The following UBR3 variants were observed in gnomAD, a reference collection of about 807,000 sequenced individuals.
UBR3 encodes the protein ubiquitin protein ligase E3 component n-recognin 3.
Under a neutral mutation model 243.2 loss-of-function variants are expected in UBR3, and 85 were observed. The observed-to-expected ratio is 0.35, with a 90% CI of 0.29 to 0.42. UBR3 has a LOEUF of 0.42. UBR3 is among the 10% of genes least tolerant of loss of function. The pLI, the probability that UBR3 is intolerant of heterozygous loss-of-function variation, is 1.00. For missense variants in UBR3, 1,686 were observed against 2,300.8 expected (o/e 0.73, Z 5.47); for synonymous variants, 748 against 799.8 (o/e 0.94, Z 1.09).
At chr2:169,959,199 C>T (rs1037588605) in intron 24 of UBR3, among the ~76,000 whole-genome samples, 1 of 152,100 alleles carries the variant, frequency 6.6e-6, no homozygotes, top group Non-Finnish European at 1.5e-5. Context: ...CAGGCATGTA[C>T]ATTTTCATGC....
intron 8 of UBR3, among the ~76,000 whole-genome samples, chr2:169,899,973 T>G (rs1163872720): frequency 6.6e-6 from 1 of 152,188 alleles, no homozygotes; most frequent in Non-Finnish European, 1.5e-5. Flanking sequence ...GCATGTGTCT[T>G]TATAGCAGCA....
At chr2:169,904,104 A>G (rs575608084) in intron 8 of UBR3, among the ~76,000 whole-genome samples, 1 of 152,038 alleles carries the variant, frequency 6.6e-6, no homozygotes, top group Admixed American at 6.6e-5. Flanking sequence ...GGCTTTTATG[A>G]TTTTTCTGTC....
Position 170,007,041 on chromosome 2 carries a change from C to G in UBR3, c.4081C>G (p.Pro1361Ala). 1 of 1,613,452 alleles carries G rather than the reference C, an allele frequency of 6.2e-7. No individual in the cohort carries two copies. The change falls in exon 28 of 39, where the codon CCA becomes GCA. Residue 1361 changes from proline to alanine, a missense_variant. Physicochemically the swap from Pro to Ala is conservative, Grantham distance 27. Coordinates refer to ENST00000272793, the MANE Select transcript of UBR3 (RefSeq NM_172070.4). ...FSVDKGEFTCPLCRQFANSVL... is the reference protein window; with the variant it reads ...FSVDKGEFTCALCRQFANSVL... ...GGTGGACAAAGGAGAATTCACGTGT[C>G]CACTCTGTAGGCAGTTTGCTAACAG...
In UBR3 at chr2:170,014,199, G is replaced by T. The variant is rs545126540; in HGVS notation, c.4368-1082G>T. On this transcript the variant is annotated intron_variant, in intron 29 of 38. Transcript: ENST00000272793. ...GAATATTAATATTCTTTAACAATTT[G>T]CATTTATAAGTAAATACATGGAAAT... The T allele has an allele frequency of 1.2e-3, 185 of 156,226 alleles. No homozygotes were observed. The Middle Eastern group carries it at 0.024, about 20-fold the overall frequency. The allele number at this position is 156,226 out of a possible 1,614,324, so 9.7% of individuals were successfully genotyped here.
intron 36 of UBR3, among the ~76,000 whole-genome samples, chr2:170,075,776 A>T (rs2091793598): frequency 6.6e-6 from 1 of 152,162 alleles, no homozygotes; most frequent in East Asian, 1.9e-4. Flanking sequence ...GGAGCTGTAT[A>T]GTCCAACAGT....
At chr2:170,048,531 C>G (rs1415852793) in intron 32 of UBR3, among the ~76,000 whole-genome samples, 1 of 152,178 alleles carries the variant, frequency 6.6e-6, no homozygotes, top group African/African-American at 2.4e-5. Flanking sequence ...AGCATAAATT[C>G]CTGACCTTCC....
chr2:169,848,648 T>TTA (rs1441043458), intron 1 of UBR3, among the ~76,000 whole-genome samples: 2 of 152,160 alleles, frequency 1.3e-5, no homozygotes, highest in Admixed American at 1.3e-4. Flanking sequence ...CTCACACCTG[T>TTA]TATATATATG....
chr2:170,070,821 A>G (rs766262483), intron 35 of UBR3, among the ~76,000 whole-genome samples: 5 of 152,192 alleles, frequency 3.3e-5, no homozygotes, highest in Non-Finnish European at 5.9e-5. Flanking sequence ...ATATATTAAA[A>G]GAGTAACATT....
chr2:169,914,763 A>G (rs961858805), intron 11 of UBR3, among the ~76,000 whole-genome samples: 4 of 151,896 alleles, frequency 2.6e-5, no homozygotes, highest in Non-Finnish European at 5.9e-5. Context: ...GCTCACCCCC[A>G]CTTTATCTGA....
intron 5 of UBR3, among the ~76,000 whole-genome samples, chr2:169,884,388 G>C (rs147127312): frequency 6.6e-6 from 1 of 151,944 alleles, no homozygotes. Context: ...TCCTGACCTC[G>C]TAATCTGCCC....
chr2:169,898,724 C>T (rs1329364563), intron 8 of UBR3, among the ~76,000 whole-genome samples: 14 of 118,908 alleles, frequency 1.2e-4, no homozygotes, highest in African/African-American at 4.4e-4. Context: ...TTTTTTGAGA[C>T]GGAGTCTCGC....
At chr2:170,014,350 TTTTC>T in intron 29 of UBR3, 2 of 144,812 alleles carry the variant, frequency 1.4e-5, no homozygotes, top group South Asian at 4.8e-4. Context: ...AACTGTTTTT[TTTTC>T]TTTTTTTTTT....
chr2:170,079,760 G>T, intron 36 of UBR3, 54 bp from the exon 37 acceptor site: 1 of 1,450,746 alleles, frequency 6.9e-7, no homozygotes, highest in Non-Finnish European at 9.3e-7. Context: ...AAAATATATT[G>T]TGTTAGTGAC....
At chr2:169,890,545 A>ATC (rs1313430890) in intron 5 of UBR3, among the ~76,000 whole-genome samples, 1 of 48,236 alleles carries the variant, frequency 2.1e-5, no homozygotes, top group Non-Finnish European at 4.0e-5. Context: ...AGAGAGATAT[A>ATC]TATATATATA....
At chr2:169,854,792 G>A (rs979428724) in intron 1 of UBR3, among the ~76,000 whole-genome samples, 1 of 151,796 alleles carries the variant, frequency 6.6e-6, no homozygotes, top group Non-Finnish European at 1.5e-5. Context: ...GAAGTTTTCT[G>A]GTTGTTTTTT....
At chr2:169,983,624 C>A (rs2088860162) in intron 24 of UBR3, among the ~76,000 whole-genome samples, 3 of 152,110 alleles carry the variant, frequency 2.0e-5, no homozygotes, top group Non-Finnish European at 4.4e-5. Flanking sequence ...GGGAAATAAA[C>A]TCTCTCTTGA....
intron 16 of UBR3, 77 bp downstream of exon 16, chr2:169,927,048 C>G: frequency 6.8e-7 from 1 of 1,471,200 alleles, no homozygotes; most frequent in Non-Finnish European, 9.1e-7. Flanking sequence ...TAGTAACTGG[C>G]TTAGGGAAAA....
Position 169,914,082 on chromosome 2 carries a change from ATGT to A in UBR3, c.1807_1809del (p.Val603del). On this transcript the variant is annotated inframe_deletion, in exon 11 of 39. Coordinates refer to ENST00000272793, the MANE Select transcript of UBR3 (RefSeq NM_172070.4). ...TAGGAAACTCAAGAGTATACCCGAA[ATGT>A]TGTTAGATATTGCCTTGAAGCTCTT... The A allele has an allele frequency of 6.7e-7, 1 of 1,502,594 alleles. No homozygotes were observed. The highest frequency in any genetic ancestry group is 8.9e-7 in the Non-Finnish European group (1 of 1,123,374). The allele number at this position is 1,502,594 out of a possible 1,614,324, so 93.1% of individuals were successfully genotyped here. A position where few individuals can be genotyped will look rare whatever the true frequency, so the allele number is the denominator to read the frequency against.
chr2:170,023,655 C>T (rs1046312890), intron 30 of UBR3, among the ~76,000 whole-genome samples: 5 of 151,770 alleles, frequency 3.3e-5, no homozygotes, highest in South Asian at 2.1e-4. Flanking sequence ...TCCAGTGGTA[C>T]GGTCTTAGCT....
Sources: allele counts gnomAD v4.1 joint callset (sites outside exome capture counted in the v4.1 genomes callset), GRCh38; gene constraint gnomAD v4.1.1; transcripts MANE v1.5; gene names NCBI Gene and HGNC (gene_info 2026-07-23, HGNC 2026-07-21).